Variants in ADGRE1 observed in about 807,000 individuals in gnomAD.
ADGRE1 encodes the protein adhesion G protein-coupled receptor E1.
In ADGRE1, 82 loss-of-function variants were observed where a neutral mutation model predicts 102.7. The observed-to-expected ratio is 0.80, with a 90% confidence interval of 0.67 to 0.96. ADGRE1 has a LOEUF of 0.96. Among genes scored for constraint, ADGRE1 ranks in the 40% least tolerant of loss-of-function variants. The pLI is 0.00. For synonymous variants in ADGRE1, 398 were observed against 399.6 expected, an observed-to-expected ratio of 1.00 and a Z score of 0.05; for missense variants, 1,032 against 1,085.3, an observed-to-expected ratio of 0.95 and a Z score of 0.69.
At chr19:6,926,327 G>A (rs917332680) in intron 15 of ADGRE1, 39 bp from the exon 16 acceptor site, 2 of 1,603,542 alleles carry the variant, frequency 1.2e-6, no homozygotes, top group African/African-American at 2.7e-5. Flanking sequence ...ATTTCTCTCT[G>A]GGGTGGAGGA....
At chr19:6,894,922 G>A (rs1010580700) in intron 2 of ADGRE1, 8 of 152,256 alleles carry the variant, frequency 5.3e-5, no homozygotes, top group South Asian at 2.1e-4. Context: ...GTACAGACAC[G>A]TGAAATCACT....
chr19:6,922,829 G>C (rs2144987385), intron 14 of ADGRE1, among the ~76,000 whole-genome samples: 1 of 152,210 alleles, frequency 6.6e-6, no homozygotes, highest in South Asian at 2.1e-4. Flanking sequence ...TGTAATGCCA[G>C]CACTTCGGGA....
chr19:6,910,954 A>G (rs1391281233), intron 10 of ADGRE1, among the ~76,000 whole-genome samples: 1 of 152,202 alleles, frequency 6.6e-6, no homozygotes, highest in African/African-American at 2.4e-5. Context: ...CCTACTAAGG[A>G]TGTTTAGTTT....
At chr19:6,908,882 C>G in intron 10 of ADGRE1, 110 bp downstream of exon 10, 2 of 988,080 alleles carry the variant, frequency 2.0e-6, no homozygotes, top group South Asian at 3.3e-5. Flanking sequence ...ACCCATAATC[C>G]CAGCACTTTG....
chr19:6,933,806 C>T (rs775874087), intron 17 of ADGRE1, among the ~76,000 whole-genome samples: 6 of 152,184 alleles, frequency 3.9e-5, no homozygotes, highest in Non-Finnish European at 8.8e-5. Flanking sequence ...CTCCCCGCTG[C>T]CCCCACACAC....
intron 10 of ADGRE1, among the ~76,000 whole-genome samples, 191 bp from the exon 11 acceptor site, chr19:6,913,462 G>A (rs568067283): frequency 5.9e-5 from 9 of 152,190 alleles, no homozygotes; most frequent in Admixed American, 2.6e-4. Flanking sequence ...TTACAAGTGT[G>A]AGCCACTGCA....
chr19:6,890,688 G>A (rs938610436), intron 2 of ADGRE1, 145 bp downstream of exon 2: 4 of 769,402 alleles, frequency 5.2e-6, no homozygotes, highest in African/African-American at 1.8e-5. Flanking sequence ...CAAGTCTCCT[G>A]ATTCTCACTT....
intron 17 of ADGRE1, 33 bp downstream of exon 17, chr19:6,928,244 T>C (rs1975001124): frequency 6.2e-7 from 1 of 1,613,922 alleles, no homozygotes; most frequent in Admixed American, 1.7e-5. Context: ...TGGCGAAGTG[T>C]GTTCTGAAGG....
intron 1 of ADGRE1, among the ~76,000 whole-genome samples, chr19:6,890,226 T>A (rs1973310041): frequency 6.6e-6 from 1 of 152,138 alleles, no homozygotes; most frequent in Admixed American, 6.5e-5. Context: ...TGGAACTATT[T>A]AATCAAAAAG....
chr19:6,939,390 C>T (rs892883345), intron 20 of ADGRE1, among the ~76,000 whole-genome samples: 3 of 152,082 alleles, frequency 2.0e-5, no homozygotes, highest in African/African-American at 7.2e-5. Flanking sequence ...ACCTTAGATC[C>T]AGTGGCTTAA....
At chr19:6,939,797 A>G (rs1975596628) in intron 20 of ADGRE1, among the ~76,000 whole-genome samples, 1 of 152,170 alleles carries the variant, frequency 6.6e-6, no homozygotes, top group African/African-American at 2.4e-5. Flanking sequence ...TTGGCTTCCT[A>G]AAGTCCAGAG....
rs747727072 is a variant in ADGRE1, at chr19:6,928,157, T to A, written c.2235T>A (p.Asn745Lys). The A allele has an allele frequency of 2.5e-6, 4 of 1,613,910 alleles. No homozygotes were observed. Among genetic ancestry groups the A allele is most frequent in the Non-Finnish European group, 3.4e-6 (4 of 1,179,872 alleles). The change falls in exon 17 of 21, where the codon AAT (asparagine) becomes AAA (lysine). Residue 745 changes from asparagine to lysine, a missense_variant. Transcript: ENST00000312053. ...GYGMHNRCWLNTETGFIWSFL... is the reference protein window; with the variant it reads ...GYGMHNRCWLKTETGFIWSFL... The stretch of plus-strand genomic sequence containing the variant: ...TTTCTCTCCACAGCTGCTGGCTGAA[T>A]ACAGAGACAGGGTTCATCTGGAGTT...
chr19:6,910,303 C>A (rs1455437372), intron 10 of ADGRE1, among the ~76,000 whole-genome samples: 2 of 151,958 alleles, frequency 1.3e-5, no homozygotes, highest in Non-Finnish European at 2.9e-5. Flanking sequence ...CAATTCCCCC[C>A]TCCCGCTCCA....
At chr19:6,933,990 G>C (rs1975276175) in intron 17 of ADGRE1, among the ~76,000 whole-genome samples, 1 of 152,088 alleles carries the variant, frequency 6.6e-6, no homozygotes, top group Non-Finnish European at 1.5e-5. Context: ...ATGCACTTTG[G>C]GAAAATACAC....
Position 6,924,731 on chromosome 19 carries a change from G to T in ADGRE1, c.1845G>T (p.Val615=). ...ISHVGIIISL[V]CLVLAIATFL... ...ATGTAGGCATTATCATCTCCTTGGT[G>T]TGCCTCGTCTTGGCCATCGCCACCT... Residue 615 remains valine (V), a synonymous_variant, in exon 15 of 21, where the codon GTG becomes GTT. Transcript: ENST00000312053. 3.7e-6 allele frequency: 6 copies of T among 1,614,126 alleles called. No individual in the cohort carries two copies. The highest frequency in any genetic ancestry group is 5.1e-6 in the Non-Finnish European group (6 of 1,180,036).
chr19:6,899,330 G>A (rs945715040), intron 5 of ADGRE1, among the ~76,000 whole-genome samples: 1 of 152,046 alleles, frequency 6.6e-6, no homozygotes. Flanking sequence ...GCACCGAAAG[G>A]CCCCCACAAC....
chr19:6,921,708 T>C lies in ADGRE1; in HGVS notation c.1621-5T>C, dbSNP rs1440509812. The C allele has an allele frequency of 6.3e-7, 1 of 1,585,398 alleles. No individual in the cohort carries two copies. Among genetic ancestry groups the C allele is most frequent in the Non-Finnish European group, 8.6e-7 (1 of 1,168,648 alleles). On this transcript the variant is annotated splice_region_variant and splice_polypyrimidine_tract_variant and intron_variant, in intron 13 of 20. Transcript: ENST00000312053. ...TTTGTTTTTTTGTTTTTTTGTTTTT[T>C]TTAGCCAAAGCAGAAGTTTGAGAGG...
intron 2 of ADGRE1, among the ~76,000 whole-genome samples, chr19:6,891,503 G>A (rs1973371290): frequency 6.6e-6 from 1 of 151,450 alleles, no homozygotes; most frequent in South Asian, 2.1e-4. Context: ...GCCCAGGCTG[G>A]AGTGCAGTGG....
intron 3 of ADGRE1, 137 bp downstream of exon 3, chr19:6,896,678 AT>A: frequency 1.0e-6 from 1 of 982,812 alleles, no homozygotes; most frequent in Non-Finnish European, 1.5e-6. Context: ...TAAGTGGAGT[AT>A]TAGGTCATTT....
Sources: gnomAD v4.1 joint callset for allele counts (sites outside exome capture counted in the v4.1 genomes callset) on GRCh38, gnomAD v4.1.1 for gene constraint, MANE v1.5 for transcripts, NCBI Gene and HGNC (gene_info 2026-07-23, HGNC 2026-07-21) for gene names.